The following ITPR2 variants were observed in gnomAD, a reference collection of about 807,000 sequenced individuals.
The protein encoded by ITPR2 is inositol 1,4,5-trisphosphate receptor type 2, also known as inositol 1,4,5-trisphosphate-gated calcium channel ITPR2.
ITPR2 carries 207 observed loss-of-function variants against 317.1 expected under a neutral mutation model. The observed-to-expected ratio is 0.65, with a 90% CI of 0.58 to 0.73. The LOEUF (loss-of-function observed/expected upper bound fraction) is 0.73, where lower values mean the gene tolerates loss of function less well. Among genes scored for constraint, ITPR2 ranks in the 30% least tolerant of loss-of-function variants. ITPR2 has a pLI of 0.00. For synonymous variants in ITPR2, 1,156 were observed against 1,149.1 expected (o/e 1.01, Z -0.12); for missense variants, 2,613 against 3,284.0 (o/e 0.80, Z 4.99).
chr12:26,404,972 A>G (rs1940300733), intron 52 of ITPR2, among the ~76,000 whole-genome samples: 2 of 152,270 alleles, frequency 1.3e-5, no homozygotes, highest in Admixed American at 1.3e-4. Context: ...TGTCTCTACT[A>G]AAAATTCAAA....
intron 2 of ITPR2, among the ~76,000 whole-genome samples, chr12:26,781,990 C>A (rs1177616437): frequency 0.013 from 759 of 60,248 alleles, 28 homozygotes; most frequent in African/African-American, 0.048. Flanking sequence ...ATAAACTCCC[C>A]TGTATATATA....
intron 48 of ITPR2, among the ~76,000 whole-genome samples, chr12:26,429,017 T>G (rs1941137951): frequency 6.6e-6 from 1 of 152,182 alleles, no homozygotes; most frequent in East Asian, 1.9e-4. Context: ...TGGCCACACC[T>G]CTTATCTTTA....
chr12:26,432,896 C>T (rs7955200), intron 48 of ITPR2, among the ~76,000 whole-genome samples: 92,250 of 151,940 alleles, frequency 0.61, 29,461 homozygotes, highest in Non-Finnish European at 0.73. Flanking sequence ...TCTTTAATCT[C>T]ACCCACCTCT....
chr12:26,738,347 GGAAAGGTAGGACTTCCA>G (rs1294733927), intron 2 of ITPR2, among the ~76,000 whole-genome samples: 4 of 152,022 alleles, frequency 2.6e-5, no homozygotes, highest in Non-Finnish European at 4.4e-5. Flanking sequence ...GGATGTGGGA[GGAAAGGTAGGACTTCCA>G]GAAAGTGGAC....
chr12:26,353,223 T>C (rs1476854180), intron 55 of ITPR2, among the ~76,000 whole-genome samples: 2 of 152,240 alleles, frequency 1.3e-5, no homozygotes, highest in African/African-American at 2.4e-5. Flanking sequence ...TCAGTCATTG[T>C]CTTTCTGAGT....
At chr12:26,473,368 C>G (rs1476134462) in intron 45 of ITPR2, among the ~76,000 whole-genome samples, 2 of 152,206 alleles carry the variant, frequency 1.3e-5, no homozygotes, top group Non-Finnish European at 2.9e-5. Context: ...TGTCACTCTG[C>G]TGGCTCCAGG....
At position 26,658,145 on chromosome 12, in the gene ITPR2, A is replaced by T; in HGVS notation, c.1887-15T>A. ...AATCCAAAAACCTGGCAAAAGAAAA[A>T]AATTAAATGGAATATGAAGACAAAG... On this transcript the variant is annotated splice_polypyrimidine_tract_variant and intron_variant, in intron 16 of 56. Coordinates refer to ENST00000381340, the MANE Select transcript of ITPR2 (RefSeq NM_002223.4). 5.2e-6 allele frequency: 8 copies of T among 1,541,846 alleles called. No individual in the cohort carries two copies. The highest frequency in any genetic ancestry group is 7.0e-6 in the Non-Finnish European group (8 of 1,143,326).
chr12:26,445,362 C>T (rs74821201), intron 45 of ITPR2, among the ~76,000 whole-genome samples: 2,723 of 151,988 alleles, frequency 0.018, 97 homozygotes, highest in African/African-American at 0.062. Flanking sequence ...ATGGAGGGGT[C>T]GTCAGTATAT....
At chr12:26,795,746 G>T (rs1950425042) in intron 1 of ITPR2, among the ~76,000 whole-genome samples, 2 of 152,202 alleles carry the variant, frequency 1.3e-5, no homozygotes, top group Admixed American at 6.5e-5. Flanking sequence ...CACTTTGGGA[G>T]GCTGAGGTGG....
intron 9 of ITPR2, among the ~76,000 whole-genome samples, chr12:26,700,018 G>T (rs1178851182): frequency 6.6e-6 from 1 of 152,122 alleles, no homozygotes; most frequent in Non-Finnish European, 1.5e-5. Flanking sequence ...AAGCATTGCG[G>T]CATATGGTAT....
Position 26,655,750 on chromosome 12 carries a change from G to T in ITPR2, c.2547C>A (p.Pro849=). The T allele has an allele frequency of 1.2e-6, 2 of 1,613,290 alleles. No homozygotes were observed. Among genetic ancestry groups the T allele is most frequent in the Non-Finnish European group, 8.5e-7 (1 of 1,179,572 alleles). Residue 849 remains proline (P), a synonymous_variant, in exon 20 of 57, where the codon CCC becomes CCA. Transcript: ENST00000381340. ...EEYLKEVVNQ[P]FPFGDKEKNK... ...TTTTTTCTTTATCCCCAAAAGGAAA[G>T]GGCTGGTTTACAACTTCTTTCAAAT...
Position 26,599,142 on chromosome 12 carries a change from T to C in ITPR2, c.4002+3A>G, listed in dbSNP as rs199786390. The C allele has an allele frequency of 6.1e-4, 982 of 1,613,634 alleles. No individual in the cohort carries two copies. Among genetic ancestry groups the C allele is most frequent in the Non-Finnish European group, 7.3e-4 (865 of 1,179,528 alleles). On this transcript the variant is annotated splice_donor_region_variant and intron_variant, in intron 30 of 56. Coordinates refer to ENST00000381340, the MANE Select transcript of ITPR2 (RefSeq NM_002223.4). ...GCTGATAAAAGGCAAACTGAGAACA[T>C]ACCTCTGTCATTACCATATCCTGGC...
intron 55 of ITPR2, among the ~76,000 whole-genome samples, chr12:26,377,328 T>A: frequency 6.6e-6 from 1 of 152,194 alleles, no homozygotes; most frequent in East Asian, 1.9e-4. Flanking sequence ...TTAGAGAATC[T>A]GCCTCAACTC....
intron 2 of ITPR2, among the ~76,000 whole-genome samples, chr12:26,742,041 C>T (rs1039265270): frequency 1.3e-5 from 2 of 152,198 alleles, no homozygotes; most frequent in Admixed American, 6.5e-5. Context: ...AGCACATTTC[C>T]TCTGCAAGGG....
chr12:26,512,349 A>G (rs1943376094), intron 37 of ITPR2, among the ~76,000 whole-genome samples: 2 of 152,176 alleles, frequency 1.3e-5, no homozygotes, highest in African/African-American at 4.8e-5. Flanking sequence ...GACAAAACTC[A>G]AAGTCATCTC....
chr12:26,666,452 A>T (rs2136926415), intron 13 of ITPR2, among the ~76,000 whole-genome samples: 1 of 152,330 alleles, frequency 6.6e-6, no homozygotes, highest in East Asian at 1.9e-4. Flanking sequence ...GTAGGATGAC[A>T]CCACCAGATG....
chr12:26,598,430 T>A (rs925597744), intron 30 of ITPR2, among the ~76,000 whole-genome samples: 1 of 151,842 alleles, frequency 6.6e-6, no homozygotes, highest in Non-Finnish European at 1.5e-5. Context: ...GGGTGGAAGC[T>A]CCCTTAACCC....
intron 2 of ITPR2, among the ~76,000 whole-genome samples, chr12:26,781,228 A>G (rs1950070652): frequency 6.6e-6 from 1 of 152,240 alleles, no homozygotes; most frequent in Non-Finnish European, 1.5e-5. Context: ...CTGAAGGCAG[A>G]AGGAATATAG....
intron 55 of ITPR2, among the ~76,000 whole-genome samples, chr12:26,364,775 T>G (rs2136586084): frequency 6.6e-6 from 1 of 152,318 alleles, no homozygotes; most frequent in East Asian, 1.9e-4. Flanking sequence ...GTATTCTGAT[T>G]TATCCACATT....
Sources: allele counts gnomAD v4.1 joint callset (sites outside exome capture counted in the v4.1 genomes callset), GRCh38; gene constraint gnomAD v4.1.1; transcripts MANE v1.5; gene names NCBI Gene and HGNC (gene_info 2026-07-23, HGNC 2026-07-21).